The following SLC25A48 variants were observed in gnomAD, a reference collection of about 807,000 sequenced individuals.
SLC25A48 encodes the protein CTC-321K16.1.
In SLC25A48, 29 loss-of-function variants were observed where a neutral mutation model predicts 32.2. That is an observed-to-expected ratio of 0.90 (90% CI 0.67 to 1.23). SLC25A48 has a LOEUF of 1.23. Among genes scored for constraint, SLC25A48 ranks in the 50% most tolerant of loss-of-function variants. The pLI is 0.00. For synonymous variants in SLC25A48, 164 were observed against 172.3 expected (o/e 0.95, Z 0.38); for missense variants, 399 against 422.7 (o/e 0.94, Z 0.49).
chr5:135,582,124 TG>T (rs1751248294), intron 1 of SLC25A48, among the ~76,000 whole-genome samples: 1 of 152,154 alleles, frequency 6.6e-6, no homozygotes, highest in African/African-American at 2.4e-5. Context: ...ACGTGAAGTG[TG>T]GGGGCACAGA....
intron 3 of SLC25A48, among the ~76,000 whole-genome samples, chr5:135,716,454 T>C (rs922723886): frequency 2.0e-5 from 3 of 152,196 alleles, no homozygotes; most frequent in Non-Finnish European, 4.4e-5. Context: ...TGAGAATCTC[T>C]TGGGCTTCCC....
intron 3 of SLC25A48, among the ~76,000 whole-genome samples, chr5:135,665,486 G>T (rs1268547262): frequency 1.3e-5 from 2 of 151,484 alleles, no homozygotes; most frequent in African/African-American, 2.4e-5. Context: ...TTTGCTTTGG[G>T]GTCTTAGTCA....
chr5:135,851,133 C>G (rs546702436), intron 3 of SLC25A48, among the ~76,000 whole-genome samples: 6 of 152,326 alleles, frequency 3.9e-5, no homozygotes, highest in African/African-American at 1.4e-4. Flanking sequence ...TCGCAGCCCT[C>G]TGACTTTTCC....
At chr5:135,596,709 A>T (rs142174080) in intron 1 of SLC25A48, among the ~76,000 whole-genome samples, 2 of 152,054 alleles carry the variant, frequency 1.3e-5, no homozygotes, top group African/African-American at 4.8e-5. Context: ...GACAAGGGGA[A>T]TTTTCTTATC....
chr5:135,788,593 G>T (rs928854752), intron 3 of SLC25A48, among the ~76,000 whole-genome samples: 1 of 148,552 alleles, frequency 6.7e-6, no homozygotes, highest in Non-Finnish European at 1.5e-5. Flanking sequence ...ACACACCCCC[G>T]CCCTATGCTT....
At chr5:135,681,445 A>C (rs1319848926) in intron 3 of SLC25A48, among the ~76,000 whole-genome samples, 1 of 152,142 alleles carries the variant, frequency 6.6e-6, no homozygotes, top group African/African-American at 2.4e-5. Flanking sequence ...TCTCCTTGAC[A>C]TTTTACTTTC....
At chr5:135,879,605 A>AGTGTGTGTGTGT (rs745668429) in intron 6 of SLC25A48, among the ~76,000 whole-genome samples, 65 of 135,338 alleles carry the variant, frequency 4.8e-4, no homozygotes, top group African/African-American at 1.3e-3. Context: ...AGAGAGAGAG[A>AGTGTGTGTGTGT]GAGAGAGTGT....
At chr5:135,869,250 G>T (rs1213008718) in intron 4 of SLC25A48, among the ~76,000 whole-genome samples, 1 of 152,090 alleles carries the variant, frequency 6.6e-6, no homozygotes, top group African/African-American at 2.4e-5. Context: ...TATAAACTTG[G>T]GTCAGTTTGG....
chr5:135,685,863 T>G (rs1308697737), intron 3 of SLC25A48, among the ~76,000 whole-genome samples: 1 of 152,244 alleles, frequency 6.6e-6, no homozygotes, highest in African/African-American at 2.4e-5. Flanking sequence ...GTGTGTCCCC[T>G]ACTTTAGCAG....
At chr5:135,638,150 T>C (rs1417622398) in intron 3 of SLC25A48, among the ~76,000 whole-genome samples, 3 of 152,240 alleles carry the variant, frequency 2.0e-5, no homozygotes, top group South Asian at 2.1e-4. Flanking sequence ...ATTTTGATTC[T>C]ACATATGTTA....
chr5:135,693,962 A>G (rs78184273), intron 3 of SLC25A48, among the ~76,000 whole-genome samples: 2 of 105,784 alleles, frequency 1.9e-5, no homozygotes, highest in Non-Finnish European at 4.3e-5. Context: ...CATTCTGGAG[A>G]AAAAAAAGCA....
intron 3 of SLC25A48, chr5:135,652,418 CATT>C (rs1753137894): frequency 2.2e-6 from 1 of 456,088 alleles, no homozygotes; most frequent in Non-Finnish European, 4.4e-6. Context: ...GCCTATCCAC[CATT>C]ATGACATTCT....
intron 3 of SLC25A48, among the ~76,000 whole-genome samples, chr5:135,678,367 TTG>T (rs1356790551): frequency 3.3e-5 from 5 of 152,192 alleles, no homozygotes; most frequent in Non-Finnish European, 5.9e-5. Flanking sequence ...GTTCCAGAAT[TTG>T]TGTTTGGTTC....
chr5:135,797,939 G>A (rs1208233809), intron 3 of SLC25A48, among the ~76,000 whole-genome samples: 1 of 151,580 alleles, frequency 6.6e-6, no homozygotes, highest in African/African-American at 2.4e-5. Context: ...TACCGCATGG[G>A]GTGTACACCC....
chr5:135,779,599 C>T (rs62365739), intron 3 of SLC25A48, among the ~76,000 whole-genome samples: 58,999 of 101,694 alleles, frequency 0.58, 22,547 homozygotes, highest in Middle Eastern at 0.77. Flanking sequence ...GGGATGTACA[C>T]TCCCTACATA....
intron 3 of SLC25A48, among the ~76,000 whole-genome samples, chr5:135,663,246 T>A (rs2126936008): frequency 6.6e-6 from 1 of 152,354 alleles, no homozygotes; most frequent in Middle Eastern, 3.4e-3. Flanking sequence ...AGGCTACTTA[T>A]AATTACTCCT....
intron 4 of SLC25A48, among the ~76,000 whole-genome samples, chr5:135,865,600 C>T (rs550706930): frequency 1.3e-5 from 2 of 152,286 alleles, no homozygotes; most frequent in African/African-American, 4.8e-5. Flanking sequence ...TCAGGCGCTC[C>T]ATTGTCCATG....
intron 3 of SLC25A48, among the ~76,000 whole-genome samples, chr5:135,763,606 T>A (rs1375817404): frequency 6.6e-6 from 1 of 152,096 alleles, no homozygotes; most frequent in African/African-American, 2.4e-5. Flanking sequence ...TCAGATCAAA[T>A]GAGCCCTCAG....
intron 1 of SLC25A48, among the ~76,000 whole-genome samples, chr5:135,610,905 G>A (rs965689932): frequency 2.6e-5 from 4 of 152,112 alleles, no homozygotes; most frequent in Admixed American, 2.0e-4. Flanking sequence ...TTCTAATTTA[G>A]AGGAATAAGC....
Sources: allele counts gnomAD v4.1 joint callset (sites outside exome capture counted in the v4.1 genomes callset), GRCh38; gene constraint gnomAD v4.1.1; transcripts MANE v1.5; gene names NCBI Gene and HGNC (gene_info 2026-07-23, HGNC 2026-07-21).